The following PRKCE variants were observed in gnomAD, a reference collection of about 807,000 sequenced individuals.
PRKCE encodes protein kinase C epsilon, also known as protein kinase C epsilon type.
Under a neutral mutation model 85.4 loss-of-function variants are expected in PRKCE, and 16 were observed. The observed-to-expected ratio is 0.19, with a 90% CI of 0.13 to 0.28. The LOEUF (loss-of-function observed/expected upper bound fraction) is 0.28. PRKCE is among the 10% of genes least tolerant of loss of function. The pLI, the probability that PRKCE is intolerant of heterozygous loss-of-function variation, is 1.00. For missense variants in PRKCE, 573 were observed against 975.2 expected (o/e 0.59, Z 5.49); for synonymous variants, 388 against 371.5 (o/e 1.04, Z -0.51).
In PRKCE at chr2:46,159,828, G is replaced by C. The variant is rs963440560; in HGVS notation, c.2067+76G>C. 2.6e-6 allele frequency: 4 copies of C among 1,562,662 alleles called. No individual in the cohort carries two copies. Among genetic ancestry groups the C allele is most frequent in the Non-Finnish European group, 3.5e-6 (4 of 1,159,398 alleles). ...TGCAGGACAGGCTGCGTGCACCCAG[G>C]AAGAGTTGGTCAGGGGATGCGTATT... is the stretch of plus-strand genomic sequence containing the variant. On this transcript the variant is annotated intron_variant, in intron 14 of 14. Transcript: ENST00000306156. This position sits in a 1 kb window ranked among gnomAD's most constrained non-coding sequence, Gnocchi z 4.1.
intron 1 of PRKCE, among the ~76,000 whole-genome samples, chr2:45,828,595 A>T (rs1690148399): frequency 1.3e-5 from 2 of 152,162 alleles, no homozygotes; most frequent in South Asian, 4.1e-4. Flanking sequence ...TCTCATTTTT[A>T]ATTTGTACCT....
chr2:46,097,820 A>G (rs566284373), intron 11 of PRKCE, among the ~76,000 whole-genome samples: 10 of 152,338 alleles, frequency 6.6e-5, no homozygotes, highest in African/African-American at 2.2e-4. Flanking sequence ...GGCTGAGACT[A>G]TCTTTATCCC....
intron 13 of PRKCE, among the ~76,000 whole-genome samples, chr2:46,157,960 C>T (rs1401668849): frequency 6.6e-6 from 1 of 152,212 alleles, no homozygotes. Context: ...TAGAAGTATG[C>T]AGTGCACAAC....
chr2:45,940,536 A>G (rs1699796982), intron 2 of PRKCE, among the ~76,000 whole-genome samples: 1 of 152,220 alleles, frequency 6.6e-6, no homozygotes, highest in African/African-American at 2.4e-5. Context: ...AAGAAATGGA[A>G]GAAGCAGAGA....
intron 11 of PRKCE, among the ~76,000 whole-genome samples, chr2:46,092,129 A>T (rs1326653509): frequency 6.6e-6 from 1 of 152,352 alleles, no homozygotes; most frequent in South Asian, 2.1e-4. Context: ...TTTAGATAGT[A>T]CCTGCCTTGT....
At chr2:45,702,928 A>G (rs966216238) in intron 1 of PRKCE, among the ~76,000 whole-genome samples, 2 of 152,186 alleles carry the variant, frequency 1.3e-5, no homozygotes, top group African/African-American at 4.8e-5. Flanking sequence ...TTCTGGGCTT[A>G]GTGTTCCGGA....
intron 1 of PRKCE, among the ~76,000 whole-genome samples, chr2:45,655,846 G>GAAA (rs34853762): frequency 2.1e-4 from 14 of 66,270 alleles, no homozygotes; most frequent in Admixed American, 8.6e-4. Context: ...CCTGTCTCTT[G>GAAA]AAAAAAAAAA....
chr2:45,664,551 A>C (rs1162368150), intron 1 of PRKCE, among the ~76,000 whole-genome samples: 4 of 152,228 alleles, frequency 2.6e-5, no homozygotes, highest in Admixed American at 2.6e-4. Flanking sequence ...CCCTCTTGGA[A>C]ATGAATGAGC....
chr2:46,010,883 G>A (rs948532411), intron 10 of PRKCE: 14 of 1,490,692 alleles, frequency 9.4e-6, no homozygotes, highest in Non-Finnish European at 1.2e-5. Flanking sequence ...TTATTTTCAT[G>A]TCATATGAAA....
At chr2:45,952,503 C>T (rs1020894940) in intron 2 of PRKCE, among the ~76,000 whole-genome samples, 1 of 152,212 alleles carries the variant, frequency 6.6e-6, no homozygotes, top group East Asian at 1.9e-4. Context: ...TAAAATACTT[C>T]AGGCTCCCTT....
At chr2:45,898,922 G>A (rs1369186990) in intron 2 of PRKCE, among the ~76,000 whole-genome samples, 1 of 152,208 alleles carries the variant, frequency 6.6e-6, no homozygotes, top group Non-Finnish European at 1.5e-5. Flanking sequence ...CATCAGTCAG[G>A]GTGGAATGTC....
intron 11 of PRKCE, among the ~76,000 whole-genome samples, chr2:46,133,793 G>A (rs1674694940): frequency 1.3e-5 from 2 of 152,178 alleles, no homozygotes; most frequent in Admixed American, 6.5e-5. Flanking sequence ...GTTCATGTGA[G>A]GAAACCAATA....
At chr2:45,805,338 G>GT (rs1185280229) in intron 1 of PRKCE, among the ~76,000 whole-genome samples, 1 of 152,174 alleles carries the variant, frequency 6.6e-6, no homozygotes, top group Non-Finnish European at 1.5e-5. Flanking sequence ...TTGGAGCCTG[G>GT]TGAGGGGTCA....
In PRKCE at chr2:45,786,624, G is replaced by A. The variant is rs1400721099; in HGVS notation, c.349-56376G>A. ...CTGGAGGTTCAACTGGGAAGACAGA[G>A]TATTTTGTATGAGATTCAGGGGTGG... is the stretch of plus-strand genomic sequence containing the variant. On this transcript the variant is annotated intron_variant, in intron 1 of 14. Transcript: ENST00000306156. The surrounding 1 kb of genome is among the most constrained non-coding windows in gnomAD (Gnocchi z 5.3). 2.0e-5 allele frequency among the ~76,000 whole-genome samples: 3 copies of A among 152,216 alleles called. No individual in the cohort carries two copies. The highest frequency in any genetic ancestry group is 2.1e-4 in the South Asian group (1 of 4,832).
At chr2:45,749,586 A>G (rs1267175480) in intron 1 of PRKCE, among the ~76,000 whole-genome samples, 1 of 152,240 alleles carries the variant, frequency 6.6e-6, no homozygotes, top group Non-Finnish European at 1.5e-5. Flanking sequence ...TACAATGTGG[A>G]TTGCATGATT....
At chr2:46,056,395 C>T (rs767919520) in intron 10 of PRKCE, among the ~76,000 whole-genome samples, 6 of 152,296 alleles carry the variant, frequency 3.9e-5, no homozygotes, top group Non-Finnish European at 7.4e-5. Context: ...CTGCTGTGAG[C>T]TAAGCATACA....
intron 11 of PRKCE, among the ~76,000 whole-genome samples, chr2:46,096,647 G>A (rs935682693): frequency 6.6e-6 from 1 of 152,198 alleles, no homozygotes; most frequent in African/African-American, 2.4e-5. Flanking sequence ...AACCAACCCT[G>A]CCAGCACCTT....
intron 13 of PRKCE, among the ~76,000 whole-genome samples, chr2:46,158,100 G>A (rs1165452190): frequency 1.3e-5 from 2 of 152,224 alleles, no homozygotes; most frequent in African/African-American, 2.4e-5. Context: ...ACTGAGCCAG[G>A]TTTGGGGCAG....
chr2:46,077,368 TC>T (rs1668655660), intron 10 of PRKCE, among the ~76,000 whole-genome samples: 1 of 151,924 alleles, frequency 6.6e-6, no homozygotes, highest in African/African-American at 2.4e-5. Context: ...CAACCAGACC[TC>T]AAAAAGTAGT....
Sources: allele counts gnomAD v4.1 joint callset (sites outside exome capture counted in the v4.1 genomes callset), GRCh38; gene constraint gnomAD v4.1.1; non-coding constraint Gnocchi (gnomAD v3.1); transcripts MANE v1.5; gene names NCBI Gene and HGNC (gene_info 2026-07-23, HGNC 2026-07-21).